CAMK1D: variants seen among roughly 807,000 people sequenced by gnomAD.
CAMK1D encodes the protein calcium/calmodulin-dependent protein kinase type 1D.
CAMK1D carries 9 observed loss-of-function variants against 47.7 expected under a neutral mutation model. The observed-to-expected ratio is 0.19, with a 90% confidence interval of 0.11 to 0.33. The LOEUF is 0.33. CAMK1D is among the 10% of genes least tolerant of loss of function. The pLI is 1.00. For missense variants in CAMK1D, 291 were observed against 488.7 expected (o/e 0.60, Z 3.81); for synonymous variants, 184 against 184.9 (o/e 0.99, Z 0.04).
At chr10:12,492,547 T>C (rs1834419155) in intron 1 of CAMK1D, among the ~76,000 whole-genome samples, 1 of 152,102 alleles carries the variant, frequency 6.6e-6, no homozygotes, top group Non-Finnish European at 1.5e-5. Context: ...TAATCCCAGC[T>C]ACTTGGGAGG....
chr10:12,553,453 A>C (rs1342711925), intron 2 of CAMK1D, 97 bp downstream of exon 2: 38 of 1,009,400 alleles, frequency 3.8e-5, no homozygotes, highest in Non-Finnish European at 5.4e-5. Flanking sequence ...CCGGGGGCAG[A>C]GGGGCCCCCA....
chr10:12,763,101 CTT>C (rs933955676), intron 4 of CAMK1D, among the ~76,000 whole-genome samples: 1 of 152,174 alleles, frequency 6.6e-6, no homozygotes, highest in Non-Finnish European at 1.5e-5. Flanking sequence ...TTGGAGGAAT[CTT>C]TGCAGCTTCC....
At chr10:12,621,233 G>A (rs1284943407) in intron 2 of CAMK1D, among the ~76,000 whole-genome samples, 1 of 129,002 alleles carries the variant, frequency 7.8e-6, no homozygotes, top group Non-Finnish European at 1.9e-5. Context: ...TCCCACTGTT[G>A]TTTTTCAGAG....
rs369198840 is a variant in CAMK1D, at chr10:12,702,868, A to T, written c.299+36058A>T. Among the ~76,000 whole-genome samples, 8 of 152,312 alleles carry T rather than the reference A, an allele frequency of 5.3e-5. No individual in the cohort carries two copies. In the East Asian group the frequency reaches 1.2e-3, roughly 22 times the overall value. On this transcript the variant is annotated intron_variant, in intron 3 of 10. Transcript: ENST00000619168. ...CAGTGTGCTTCCTAGGGGCAGCCCG[A>T]AGGTCATCAGGAGTGCGCATGATCT...
chr10:12,808,016 T>C (rs1195050569), intron 6 of CAMK1D, among the ~76,000 whole-genome samples: 1 of 152,200 alleles, frequency 6.6e-6, no homozygotes, highest in African/African-American at 2.4e-5. Flanking sequence ...GCAAACCAGC[T>C]CACATGCCGC....
intron 2 of CAMK1D, among the ~76,000 whole-genome samples, chr10:12,612,621 G>A (rs1203226051): frequency 1.3e-5 from 2 of 152,174 alleles, no homozygotes; most frequent in African/African-American, 4.8e-5. Flanking sequence ...AGTAGAGGAA[G>A]AAGACCTTTG....
chr10:12,821,574 G>A (rs1272691758), intron 8 of CAMK1D, among the ~76,000 whole-genome samples: 3 of 152,214 alleles, frequency 2.0e-5, no homozygotes, highest in Non-Finnish European at 4.4e-5. Context: ...ACAAAACCAC[G>A]AAAGGCAGGG....
intron 2 of CAMK1D, among the ~76,000 whole-genome samples, chr10:12,576,141 A>T (rs1837483138): frequency 2.0e-5 from 3 of 152,206 alleles, no homozygotes; most frequent in Admixed American, 6.5e-5. Flanking sequence ...TAGTTTATTT[A>T]TGTTGTTTCT....
At chr10:12,689,990 T>A (rs1832812746) in intron 3 of CAMK1D, among the ~76,000 whole-genome samples, 1 of 152,158 alleles carries the variant, frequency 6.6e-6, no homozygotes, top group Admixed American at 6.6e-5. Context: ...GTACAGAGAT[T>A]GTCGGTGCTG....
chr10:12,743,673 A>G (rs888789992), intron 3 of CAMK1D, among the ~76,000 whole-genome samples: 4 of 152,048 alleles, frequency 2.6e-5, no homozygotes, highest in Non-Finnish European at 5.9e-5. Flanking sequence ...GTCACTCCCT[A>G]TTTCTCTTTC....
intron 1 of CAMK1D, among the ~76,000 whole-genome samples, chr10:12,507,356 T>A (rs550900675): frequency 4.7e-4 from 71 of 150,396 alleles, no homozygotes; most frequent in African/African-American, 1.4e-3. Context: ...GAGGATTCTG[T>A]CCTTAGAAAC....
chr10:12,814,401 C>A (rs1832722300), intron 7 of CAMK1D, 94 bp downstream of exon 7: 4 of 744,052 alleles, frequency 5.4e-6, no homozygotes, highest in African/African-American at 5.2e-5. Flanking sequence ...CCCTGGGGGG[C>A]TCAGAACAGT....
intron 1 of CAMK1D, among the ~76,000 whole-genome samples, chr10:12,480,327 C>T (rs551478810): frequency 1.6e-3 from 249 of 152,086 alleles, no homozygotes; most frequent in African/African-American, 5.8e-3. Context: ...CTCAGCTACT[C>T]GGGAGGCTGA....
At chr10:12,474,421 C>T (rs1410290028) in intron 1 of CAMK1D, among the ~76,000 whole-genome samples, 6 of 151,934 alleles carry the variant, frequency 3.9e-5, no homozygotes, top group Non-Finnish European at 8.8e-5. Flanking sequence ...TCTCGATCTC[C>T]TGACCTAAGA....
At chr10:12,435,221 CAA>C (rs910066372) in intron 1 of CAMK1D, among the ~76,000 whole-genome samples, 129 of 44,018 alleles carry the variant, frequency 2.9e-3, no homozygotes, top group African/African-American at 9.2e-3. Flanking sequence ...AACTCTGTCT[CAA>C]AAAAAAAAAA....
At chr10:12,634,492 G>A (rs190417473) in intron 2 of CAMK1D, among the ~76,000 whole-genome samples, 29 of 152,298 alleles carry the variant, frequency 1.9e-4, no homozygotes, top group African/African-American at 5.5e-4. Context: ...GGGACAGAGC[G>A]CGGGGTGGGA....
At chr10:12,430,663 G>A (rs999707984) in intron 1 of CAMK1D, among the ~76,000 whole-genome samples, 3 of 152,166 alleles carry the variant, frequency 2.0e-5, no homozygotes, top group Admixed American at 1.3e-4. Context: ...TAGAATCCAC[G>A]TGCCGAGTAT....
intron 4 of CAMK1D, among the ~76,000 whole-genome samples, chr10:12,768,245 T>C (rs1378431959): frequency 2.6e-5 from 4 of 152,234 alleles, no homozygotes; most frequent in African/African-American, 9.6e-5. Context: ...GGAATGTGGC[T>C]TTTTTATCTT....
At position 12,555,938 on chromosome 10, in the gene CAMK1D, C is replaced by T. The variant is rs1257054723; in HGVS notation, c.224+2582C>T. 2.0e-5 allele frequency among the ~76,000 whole-genome samples: 3 copies of T among 152,212 alleles called. No homozygotes were observed. In the East Asian group the frequency reaches 5.8e-4, roughly 29 times the overall value. On this transcript the variant is annotated intron_variant, in intron 2 of 10. Coordinates refer to ENST00000619168, the MANE Select transcript of CAMK1D (RefSeq NM_153498.4). Reference sequence around the variant, plus strand: ...ATGGTCTGCTTTAATTGTCTTCACCCTGCGCCTCACTCAAATAATCACTTC... The same window carrying T: ...ATGGTCTGCTTTAATTGTCTTCACCTTGCGCCTCACTCAAATAATCACTTC...
Sources: gnomAD v4.1 joint callset for allele counts (sites outside exome capture counted in the v4.1 genomes callset) on GRCh38, gnomAD v4.1.1 for gene constraint, MANE v1.5 for transcripts, NCBI Gene and HGNC (gene_info 2026-07-23, HGNC 2026-07-21) for gene names.